The following MAX variants were observed in gnomAD, a reference collection of about 807,000 sequenced individuals.
MAX encodes the protein protein max.
MAX carries 3 observed loss-of-function variants against 22.3 expected under a neutral mutation model. The ratio of observed to expected loss-of-function variants is 0.13; its 90% CI spans 0.06 to 0.35. The LOEUF is 0.35. Ranked by LOEUF, MAX falls within the 10% of genes least tolerant of loss-of-function variation. The pLI is 1.00. For synonymous variants in MAX, 72 were observed against 77.7 expected (o/e 0.93, Z 0.39); for missense variants, 119 against 209.4 (o/e 0.57, Z 2.66).
chr14:65,010,451 C>G (rs1310511293), intron 3 of MAX, among the ~76,000 whole-genome samples: 2 of 152,214 alleles, frequency 1.3e-5, no homozygotes, highest in East Asian at 3.8e-4. Context: ...GTCCCAGCAT[C>G]CTAAGACCCA....
In MAX at chr14:65,076,757, G is replaced by A; in HGVS notation, c.296-94C>T. Reference sequence around the variant, plus strand: ...AGGGTCCAGCCTGTTCTTCCTAAGGGCTTGCTTGTTGGCCCCCGAGGCTCA... The same window carrying A: ...AGGGTCCAGCCTGTTCTTCCTAAGGACTTGCTTGTTGGCCCCCGAGGCTCA... On this transcript the variant is annotated intron_variant, in intron 4 of 4. Transcript: ENST00000358664. The surrounding 1 kb of genome is among the most constrained non-coding windows in gnomAD (Gnocchi z 6.6). The A allele has an allele frequency of 6.6e-7, 1 of 1,506,820 alleles. No individual in the cohort carries two copies. Among genetic ancestry groups the A allele is most frequent in the Non-Finnish European group, 9.2e-7 (1 of 1,084,054 alleles). The allele number at this position is 1,506,820 out of a possible 1,614,324, so 93.3% of individuals were successfully genotyped here.
intron 3 of MAX, among the ~76,000 whole-genome samples, chr14:65,035,091 C>T (rs540038740): frequency 6.6e-6 from 1 of 152,326 alleles, no homozygotes; most frequent in East Asian, 1.9e-4. Context: ...GATTTTTCTT[C>T]TTTGACTTTC....
chr14:65,094,264 T>G (rs1433460743), intron 2 of MAX: 1 of 241,126 alleles, frequency 4.1e-6, no homozygotes, highest in Non-Finnish European at 8.3e-6. Flanking sequence ...AAGAGTTAAG[T>G]CACTGGTGCT....
intron 3 of MAX, among the ~76,000 whole-genome samples, chr14:65,064,831 C>G (rs2062914862): frequency 6.6e-6 from 1 of 152,248 alleles, no homozygotes; most frequent in Non-Finnish European, 1.5e-5. Context: ...GGCCATTGCT[C>G]TCAAACAGTG....
chr14:65,012,835 A>G lies in MAX; in HGVS notation c.172-6551T>C, dbSNP rs1299063904. Among the ~76,000 whole-genome samples the G allele has an allele frequency of 6.6e-6, 1 of 152,224 alleles. No individual in the cohort carries two copies. Among genetic ancestry groups the G allele is most frequent in the African/African-American group, 2.4e-5 (1 of 41,456 alleles). ...CTTCACCACTCCTTCTAGTAAGTAC[A>G]TTACTTTTCATATCTTCATTAAAGA... On this transcript the variant is annotated intron_variant, in intron 3 of 3. Transcript: ENST00000341653. This position sits in a 1 kb window ranked among gnomAD's most constrained non-coding sequence, Gnocchi z 5.0.
At chr14:65,022,125 G>A (rs1458709192) in intron 3 of MAX, 1 of 454,236 alleles carries the variant, frequency 2.2e-6, no homozygotes, top group Non-Finnish European at 4.4e-6. Flanking sequence ...CCTAGGGAAG[G>A]AGATTTCCTC....
chr14:65,029,665 CAT>C lies in MAX; in HGVS notation c.172-23383_172-23382del, dbSNP rs2062043105. Among the ~76,000 whole-genome samples, 1 of 152,130 alleles carries C rather than the reference CAT, an allele frequency of 6.6e-6. No individual in the cohort carries two copies. Among genetic ancestry groups the C allele is most frequent in the African/African-American group, 2.4e-5 (1 of 41,428 alleles). ...CATTTGCAGAAGTTTGGTGAGAAAG[CAT>C]GTGTTGCTCAAGAAAGGACAAGTTC... On this transcript the variant is annotated intron_variant, in intron 3 of 3. Transcript: ENST00000341653. The surrounding 1 kb of genome is among the most constrained non-coding windows in gnomAD (Gnocchi z 4.7).
intron 3 of MAX, among the ~76,000 whole-genome samples, chr14:65,066,593 G>A (rs971770999): frequency 6.6e-6 from 1 of 152,136 alleles, no homozygotes; most frequent in Admixed American, 6.5e-5. Context: ...GGTGGCTCAC[G>A]CCTGTAATCC....
chr14:65,090,045 G>A (rs1486239753), intron 3 of MAX: 1 of 152,140 alleles, frequency 6.6e-6, no homozygotes, highest in Non-Finnish European at 1.5e-5. Context: ...CTTGAGCTCA[G>A]AGCAACTATG....
intron 3 of MAX, among the ~76,000 whole-genome samples, chr14:65,067,875 A>C (rs2062947638): frequency 1.3e-5 from 2 of 149,574 alleles, no homozygotes; most frequent in South Asian, 2.1e-4. Context: ...TTAAGCAATC[A>C]TCCTCCCTTG....
In MAX at chr14:65,075,353, T is replaced by G. The variant is rs552459072; in HGVS notation, c.*1123A>C. 7.8e-5 allele frequency: 83 copies of G among 1,063,274 alleles called. 2 individuals carry two copies. In the East Asian group the frequency reaches 2.2e-3, roughly 28 times the overall value. The allele number at this position is 1,063,274 out of a possible 1,614,324, so 65.9% of individuals were successfully genotyped here. ...ACACACAAAACCCTTCACTGGCATCTGCTGACCACAGCCAGAACCAGGGCT... is the reference window on the plus strand; with the variant it reads ...ACACACAAAACCCTTCACTGGCATCGGCTGACCACAGCCAGAACCAGGGCT... On this transcript the variant is annotated 3_prime_UTR_variant, in exon 5 of 5. Coordinates refer to ENST00000358664, the MANE Select transcript of MAX (RefSeq NM_002382.5). This position sits in a 1 kb window ranked among gnomAD's most constrained non-coding sequence, Gnocchi z 4.1.
rs181596497 is a variant in MAX at position 65,042,496 on chromosome 14, C to T, written c.172-36212G>A. Among the ~76,000 whole-genome samples the T allele has an allele frequency of 3.2e-4, 48 of 152,226 alleles. No individual in the cohort carries two copies. The East Asian group carries it at 8.5e-3, about 27-fold the overall frequency. ...GAATCTAATGCTGCTGCTGATCTGT[C>T]AGGAAGTGGAGCTCAGGCAGTAATG... On this transcript the variant is annotated intron_variant, in intron 3 of 3. Transcript: ENST00000341653.
intron 3 of MAX, among the ~76,000 whole-genome samples, chr14:65,050,554 G>A (rs1174853183): frequency 6.6e-6 from 1 of 152,180 alleles, no homozygotes; most frequent in Non-Finnish European, 1.5e-5. Flanking sequence ...TCACACCACT[G>A]CACTCCAGCC....
At chr14:65,091,729 C>A (rs984000898) in intron 3 of MAX, 4 of 152,282 alleles carry the variant, frequency 2.6e-5, no homozygotes, top group Non-Finnish European at 5.9e-5. Flanking sequence ...CAACACTCTT[C>A]TTCTCTGCCA....
Position 65,027,791 on chromosome 14 carries a change from G to T in MAX, c.172-21507C>A. The T allele has an allele frequency of 6.2e-7, 1 of 1,614,016 alleles. No individual in the cohort carries two copies. The highest frequency in any genetic ancestry group is 8.5e-7 in the Non-Finnish European group (1 of 1,180,000). ...GTGAGGTGGATGTGAGGTGAGTGGG[G>T]TTTTGCACAGGCTGCCACATCAGTT... On this transcript the variant is annotated intron_variant, in intron 3 of 3. Transcript: ENST00000341653. This position sits in a 1 kb window ranked among gnomAD's most constrained non-coding sequence, Gnocchi z 5.7.
intron 3 of MAX, among the ~76,000 whole-genome samples, chr14:65,048,205 A>G (rs2062527789): frequency 6.7e-6 from 1 of 150,198 alleles, no homozygotes; most frequent in South Asian, 2.1e-4. Context: ...CTGGTCTCAA[A>G]CTCCTGGCCT....
At chr14:65,096,058 G>T (rs1045198174) in intron 2 of MAX, among the ~76,000 whole-genome samples, 3 of 152,216 alleles carry the variant, frequency 2.0e-5, no homozygotes, top group African/African-American at 7.2e-5. Flanking sequence ...TAGATCATGA[G>T]CAGAAATCTT....
At chr14:65,066,879 AC>A (rs1416691300) in intron 3 of MAX, among the ~76,000 whole-genome samples, 10 of 150,424 alleles carry the variant, frequency 6.6e-5, no homozygotes, top group Non-Finnish European at 1.0e-4. Context: ...AAAAAAAAAA[AC>A]AATGTATTTT....
chr14:65,090,110 G>C (rs2063460293), intron 3 of MAX: 1 of 152,174 alleles, frequency 6.6e-6, no homozygotes, highest in Non-Finnish European at 1.5e-5. Flanking sequence ...CTGCATTTCA[G>C]TGTTACCTAC....
Sources: allele counts gnomAD v4.1 joint callset (sites outside exome capture counted in the v4.1 genomes callset), GRCh38; gene constraint gnomAD v4.1.1; non-coding constraint Gnocchi (gnomAD v3.1); transcripts MANE v1.5; gene names NCBI Gene and HGNC (gene_info 2026-07-23, HGNC 2026-07-21).